The following FAM234A variants were observed in gnomAD, a reference collection of about 807,000 sequenced individuals.
The protein encoded by FAM234A is family with sequence similarity 234 member A.
Under a neutral mutation model 49.1 loss-of-function variants are expected in FAM234A, and 42 were observed. The ratio of observed to expected loss-of-function variants is 0.86; its 90% CI spans 0.67 to 1.11. The LOEUF (loss-of-function observed/expected upper bound fraction) is 1.11, where lower values mean the gene tolerates loss of function less well. Ranked by LOEUF, FAM234A falls within the 50% of genes least tolerant of loss-of-function variation. The pLI is 0.00. For missense variants in FAM234A, 815 were observed against 745.2 expected, an observed-to-expected ratio of 1.09 and a Z score of -1.09; for synonymous variants, 369 against 316.2, an observed-to-expected ratio of 1.17 and a Z score of -1.77.
At chr16:262,022 T>G (rs1282520095) in intron 6 of FAM234A, 71 bp from the exon 7 acceptor site, 9 of 1,522,424 alleles carry the variant, frequency 5.9e-6, no homozygotes, top group Non-Finnish European at 8.0e-6. Flanking sequence ...GTCCTTCTCT[T>G]CCTGGGCCTT....
In FAM234A at chr16:257,156, G is replaced by A. The variant is rs547464867; in HGVS notation, c.269-2327G>A. Among the ~76,000 whole-genome samples, 27 of 152,012 alleles carry A rather than the reference G, an allele frequency of 1.8e-4. No homozygotes were observed. In the South Asian group the frequency reaches 4.4e-3, roughly 25 times the overall value. ...GGCTTCCCAAAGTGCTAGGACTACC[G>A]GTGTGAACCACCACGCCCAGCCTTT... On this transcript the variant is annotated intron_variant, in intron 3 of 12. Coordinates refer to ENST00000399932, the MANE Select transcript of FAM234A (RefSeq NM_032039.4).
Position 263,335 on chromosome 16 carries a change from G to A in FAM234A, c.1045G>A (p.Ala349Thr). Reference sequence around the variant, plus strand: ...AGATGTGCTTCTTGTGGGCTCAGAGGCCTTCGTGCTGCTGGACGGGCAGGA... The same window carrying A: ...AGATGTGCTTCTTGTGGGCTCAGAGACCTTCGTGCTGCTGGACGGGCAGGA... The part of the protein sequence containing the change: ...GADVLLVGSE[A>T]FVLLDGQELT... The change falls in exon 9 of 13, where the codon GCC (alanine) becomes ACC (threonine). Residue 349 changes from alanine (A) to threonine (T), a missense_variant. Ala to Thr is a moderately conservative substitution (Grantham distance 58). Transcript: ENST00000399932. 1 of 1,613,104 alleles carries A rather than the reference G, an allele frequency of 6.2e-7. No homozygotes were observed. Among genetic ancestry groups the A allele is most frequent in the Admixed American group, 1.7e-5 (1 of 60,030 alleles).
intron 8 of FAM234A, among the ~76,000 whole-genome samples, chr16:263,022 G>A (rs2051537558): frequency 6.6e-6 from 1 of 152,052 alleles, no homozygotes; most frequent in Non-Finnish European, 1.5e-5. Context: ...GTTTCTCCAT[G>A]TTGGTCAGAC....
rs1025159962 is a variant in FAM234A, at chr16:265,281, G to C, written c.*259G>C. 2.3e-6 allele frequency: 3 copies of C among 1,301,090 alleles called. No homozygotes were observed. In the African/African-American group the frequency reaches 4.5e-5, roughly 19 times the overall value. The allele number at this position is 1,301,090 out of a possible 1,614,324, so 80.6% of individuals were successfully genotyped here. On this transcript the variant is annotated 3_prime_UTR_variant, in exon 13 of 13. Transcript: ENST00000399932. ...AGGGCCTCACTCTGCACCCCACCAG[G>C]GTCCCGCTCACACCAGGCAGCCTTC...
chr16:261,007 G>A (rs558179436), intron 5 of FAM234A, among the ~76,000 whole-genome samples: 1 of 152,102 alleles, frequency 6.6e-6, no homozygotes, highest in Non-Finnish European at 1.5e-5. Flanking sequence ...GGCTTCGAGA[G>A]GTGGGTGAGG....
chr16:252,174 T>C, intron 2 of FAM234A, among the ~76,000 whole-genome samples: 1 of 142,704 alleles, frequency 7.0e-6, no homozygotes, highest in African/African-American at 2.7e-5. Flanking sequence ...GTCTCTGTTT[T>C]TCTGTTTTTT....
At chr16:262,253 C>G (rs373218970) in intron 7 of FAM234A, 28 bp downstream of exon 7, 3 of 1,612,030 alleles carry the variant, frequency 1.9e-6, no homozygotes, top group Non-Finnish European at 8.5e-7. Context: ...CATCCCTGGC[C>G]AGCCTCACTC....
At chr16:244,388 C>T (rs1032203181) in intron 1 of FAM234A, among the ~76,000 whole-genome samples, 2 of 152,174 alleles carry the variant, frequency 1.3e-5, no homozygotes, top group East Asian at 3.8e-4. Flanking sequence ...CAAAACTCCA[C>T]TATTGATATT....
intron 7 of FAM234A, 40 bp from the exon 8 acceptor site, chr16:262,384 G>A (rs751665147): frequency 4.8e-5 from 75 of 1,564,432 alleles, no homozygotes; most frequent in Non-Finnish European, 6.3e-5. Flanking sequence ...GGTTCACAGC[G>A]TGACCCTGGT....
chr16:235,285 G>C (rs1311700029), intron 1 of FAM234A, among the ~76,000 whole-genome samples: 1 of 152,156 alleles, frequency 6.6e-6, no homozygotes, highest in East Asian at 1.9e-4. Context: ...GAAGAATGTG[G>C]ATGAGAAGCC....
At chr16:252,902 C>T (rs1380699909) in intron 2 of FAM234A, among the ~76,000 whole-genome samples, 1 of 152,180 alleles carries the variant, frequency 6.6e-6, no homozygotes, top group Non-Finnish European at 1.5e-5. Context: ...TTCACCCCTC[C>T]CTTTGCTGTG....
intron 3 of FAM234A, 75 bp from the exon 4 acceptor site, chr16:259,408 A>G: frequency 1.2e-6 from 1 of 820,354 alleles, no homozygotes. Context: ...GCAGAGAAGT[A>G]GGTCGTGCTG....
chr16:261,627 C>G (rs532264336), intron 6 of FAM234A, 113 bp downstream of exon 6: 2 of 1,314,398 alleles, frequency 1.5e-6, no homozygotes, highest in African/African-American at 1.5e-5. Flanking sequence ...TGACCACTTG[C>G]CGGGGACTCG....
Position 265,290 on chromosome 16 carries a change from C to G in FAM234A, c.*268C>G. 2 of 1,281,922 alleles carry G rather than the reference C, an allele frequency of 1.6e-6. No homozygotes were observed. The highest frequency in any genetic ancestry group is 2.0e-6 in the Non-Finnish European group (2 of 1,012,020). The allele number at this position is 1,281,922 out of a possible 1,614,324, so 79.4% of individuals were successfully genotyped here. ...CTCTGCACCCCACCAGGGTCCCGCT[C>G]ACACCAGGCAGCCTTCATAGTGGTC... On this transcript the variant is annotated 3_prime_UTR_variant, in exon 13 of 13. Coordinates refer to ENST00000399932, the MANE Select transcript of FAM234A (RefSeq NM_032039.4).
At chr16:248,291 C>T (rs2050886955) in intron 1 of FAM234A, 2 of 152,016 alleles carry the variant, frequency 1.3e-5, no homozygotes, top group Non-Finnish European at 2.9e-5. Flanking sequence ...GCCAGGCTCT[C>T]CAATTCAAAA....
In FAM234A at chr16:265,098, G is replaced by A. The variant is rs936531290; in HGVS notation, c.*76G>A. 1.1e-4 allele frequency: 164 copies of A among 1,518,806 alleles called. No homozygotes were observed. The highest frequency in any genetic ancestry group is 1.1e-4 in the Non-Finnish European group (124 of 1,135,356). 94.1% of individuals were successfully genotyped at this position (1,518,806 alleles called of 1,614,324 possible). A position where few individuals can be genotyped will look rare whatever the true frequency, so the allele number is the denominator to read the frequency against. On this transcript the variant is annotated 3_prime_UTR_variant, in exon 13 of 13. Transcript: ENST00000399932. ...GTCCTGGGAAGTGGGCCCTTCCCTG[G>A]GTCTCTGCACTGACTCCCCCACTCC...
At chr16:238,407 C>T (rs915438240) in intron 1 of FAM234A, among the ~76,000 whole-genome samples, 3 of 152,030 alleles carry the variant, frequency 2.0e-5, no homozygotes, top group Admixed American at 1.3e-4. Flanking sequence ...GGGTGCTGGC[C>T]GTAATCTCTG....
intron 12 of FAM234A, 39 bp downstream of exon 12, chr16:264,755 G>T: frequency 6.2e-7 from 1 of 1,607,570 alleles, no homozygotes. Context: ...GTGTTCCGCG[G>T]GGTCTGCCCT....
intron 2 of FAM234A, among the ~76,000 whole-genome samples, chr16:252,751 C>CAA (rs1596799574): frequency 6.6e-6 from 1 of 152,136 alleles, no homozygotes; most frequent in Non-Finnish European, 1.5e-5. Flanking sequence ...TAGGCAAAGA[C>CAA]AAAGTCCGAG....
Sources: allele counts gnomAD v4.1 joint callset (sites outside exome capture counted in the v4.1 genomes callset), GRCh38; gene constraint gnomAD v4.1.1; transcripts MANE v1.5; gene names NCBI Gene and HGNC (gene_info 2026-07-23, HGNC 2026-07-21).